Variants in TAFA1 observed in about 807,000 individuals in gnomAD.
TAFA1 encodes TAFA chemokine like family member 1, also known as chemokine-like protein TAFA-1.
TAFA1 carries 4 observed loss-of-function variants against 18.5 expected under a neutral mutation model. The ratio of observed to expected loss-of-function variants is 0.22; its 90% CI spans 0.11 to 0.49. The LOEUF is 0.49. Ranked by LOEUF, TAFA1 falls within the 20% of genes least tolerant of loss-of-function variation. The probability of loss-of-function intolerance (pLI) is 0.98; values close to 1 mark genes in which losing one functional copy is unlikely to be tolerated. For missense variants in TAFA1, 147 were observed against 169.0 expected, an observed-to-expected ratio of 0.87 and a Z score of 0.72; for synonymous variants, 56 against 55.2, an observed-to-expected ratio of 1.01 and a Z score of -0.06.
chr3:68,376,913 T>G (rs1036899053), intron 2 of TAFA1, among the ~76,000 whole-genome samples: 5 of 152,056 alleles, frequency 3.3e-5, no homozygotes, highest in Admixed American at 3.3e-4. Context: ...TCTCATGAGG[T>G]CTGATGGTTC....
intron 3 of TAFA1, among the ~76,000 whole-genome samples, chr3:68,452,338 C>T (rs1044091457): frequency 6.6e-6 from 1 of 151,910 alleles, no homozygotes; most frequent in South Asian, 2.1e-4. Context: ...GCCTGACCAA[C>T]ATGGTGAAAC....
At chr3:68,145,537 G>T (rs1017814892) in intron 2 of TAFA1, 4 of 1,238,334 alleles carry the variant, frequency 3.2e-6, no homozygotes, top group East Asian at 2.3e-5. Flanking sequence ...CCTTTAACAA[G>T]TTTATTCCCT....
chr3:68,111,780 A>AAGAG (rs71112608), intron 2 of TAFA1, among the ~76,000 whole-genome samples: 61 of 145,936 alleles, frequency 4.2e-4, no homozygotes, highest in African/African-American at 1.5e-3. Flanking sequence ...ACACATGAGA[A>AAGAG]AGAGAGAGAG....
At chr3:68,206,405 A>G (rs1416673969) in intron 2 of TAFA1, among the ~76,000 whole-genome samples, 2 of 152,030 alleles carry the variant, frequency 1.3e-5, no homozygotes, top group East Asian at 3.9e-4. Context: ...ATAAAATACC[A>G]TAAAATATTG....
In TAFA1 at chr3:68,457,007, A is replaced by G. The variant is rs989452953; in HGVS notation, c.259+39587A>G. ...CTGCGCTAAGCATGATGAAAAATTCAGAAGAACCATAAGAGATCACTTTTT... is the reference window on the plus strand; with the variant it reads ...CTGCGCTAAGCATGATGAAAAATTCGGAAGAACCATAAGAGATCACTTTTT... On this transcript the variant is annotated intron_variant, in intron 3 of 4. Transcript: ENST00000478136. Among the ~76,000 whole-genome samples, 6 of 152,234 alleles carry G rather than the reference A, an allele frequency of 3.9e-5. No individual in the cohort carries two copies. The East Asian group carries it at 9.6e-4, about 24-fold the overall frequency.
intron 3 of TAFA1, among the ~76,000 whole-genome samples, chr3:68,467,944 A>C (rs2071921552): frequency 6.6e-6 from 1 of 152,186 alleles, no homozygotes; most frequent in Non-Finnish European, 1.5e-5. Context: ...AAACTAGATA[A>C]AGTTGTGAAC....
intron 3 of TAFA1, among the ~76,000 whole-genome samples, chr3:68,417,966 AG>A (rs1341880603): frequency 6.6e-6 from 1 of 152,074 alleles, no homozygotes; most frequent in Non-Finnish European, 1.5e-5. Context: ...AAGAACAGCA[AG>A]GGGGAAGTCT....
intron 2 of TAFA1, among the ~76,000 whole-genome samples, chr3:68,342,698 C>T (rs1559625580): frequency 1.3e-5 from 2 of 152,068 alleles, no homozygotes. Context: ...GAATAAAAGC[C>T]TCAACTTTAT....
chr3:68,337,957 T>G (rs1275491525), intron 2 of TAFA1, among the ~76,000 whole-genome samples: 2 of 152,204 alleles, frequency 1.3e-5, no homozygotes, highest in African/African-American at 2.4e-5. Flanking sequence ...ATGGTTGAAT[T>G]TTCTGATCAC....
intron 2 of TAFA1, among the ~76,000 whole-genome samples, chr3:68,414,479 T>C (rs1431002529): frequency 6.6e-6 from 1 of 152,150 alleles, no homozygotes; most frequent in Non-Finnish European, 1.5e-5. Flanking sequence ...AGCCTGAGTT[T>C]TGGGATCTAG....
chr3:68,370,515 T>C lies in TAFA1; in HGVS notation c.119-46765T>C, dbSNP rs1179714290. ...ATATATATATATATATATATATATA[T>C]ACCCACATATGTATTTTGGAGCCTG... On this transcript the variant is annotated intron_variant, in intron 2 of 4. Coordinates refer to ENST00000478136, the MANE Select transcript of TAFA1 (RefSeq NM_213609.4). Among the ~76,000 whole-genome samples the C allele has an allele frequency of 1.3e-3, 137 of 104,094 alleles. 2 individuals carry two copies. Among genetic ancestry groups the C allele is most frequent in the African/African-American group, 4.1e-3 (111 of 26,764 alleles). 68.3% of individuals were successfully genotyped at this position (104,094 alleles called of 152,430 possible). A position where few individuals can be genotyped will look rare whatever the true frequency, so the allele number is the denominator to read the frequency against.
intron 2 of TAFA1, among the ~76,000 whole-genome samples, chr3:68,092,762 C>T (rs992022533): frequency 1.3e-5 from 2 of 152,074 alleles, no homozygotes; most frequent in Non-Finnish European, 1.5e-5. Context: ...GAATAGCAAT[C>T]GCACTCCCCA....
At chr3:68,441,516 G>A (rs2071379818) in intron 3 of TAFA1, among the ~76,000 whole-genome samples, 1 of 152,146 alleles carries the variant, frequency 6.6e-6, no homozygotes, top group Non-Finnish European at 1.5e-5. Flanking sequence ...AACTCATCAT[G>A]CAACCTGAAC....
intron 2 of TAFA1, among the ~76,000 whole-genome samples, chr3:68,262,653 G>C (rs2067458643): frequency 6.6e-6 from 1 of 151,930 alleles, no homozygotes; most frequent in Non-Finnish European, 1.5e-5. Context: ...TGGTATATAT[G>C]TACCACATTT....
Position 68,302,545 on chromosome 3 carries a change from CT to C in TAFA1, c.119-114724del, listed in dbSNP as rs995018826. On this transcript the variant is annotated intron_variant, in intron 2 of 4. Coordinates refer to ENST00000478136, the MANE Select transcript of TAFA1 (RefSeq NM_213609.4). ...CCCTTTTCTTTTCTTGTTAATCTTT[CT>C]TTTTTTTTTTAATTTTGAATCTTTG... 2.5e-3 allele frequency among the ~76,000 whole-genome samples: 367 copies of C among 147,358 alleles called. 1 individual carries two copies. Among genetic ancestry groups the C allele is most frequent in the African/African-American group, 6.8e-3 (276 of 40,418 alleles).
At chr3:68,231,784 C>A (rs2066875284) in intron 2 of TAFA1, among the ~76,000 whole-genome samples, 1 of 152,172 alleles carries the variant, frequency 6.6e-6, no homozygotes, top group African/African-American at 2.4e-5. Context: ...CAAGTCCACA[C>A]TCAGCTTTAG....
intron 2 of TAFA1, among the ~76,000 whole-genome samples, chr3:68,079,818 G>A (rs1317682971): frequency 1.3e-5 from 2 of 152,218 alleles, no homozygotes; most frequent in Non-Finnish European, 2.9e-5. Flanking sequence ...CTCTGTAGAT[G>A]TCTATTAGGT....
chr3:68,189,885 T>C (rs1349655573), intron 2 of TAFA1, among the ~76,000 whole-genome samples: 1 of 151,904 alleles, frequency 6.6e-6, no homozygotes, highest in Non-Finnish European at 1.5e-5. Flanking sequence ...ACCATTGATA[T>C]TATTAGTCAT....
chr3:68,120,165 TTCTTTCTC>T (rs1332304342), intron 2 of TAFA1, among the ~76,000 whole-genome samples: 1 of 138,232 alleles, frequency 7.2e-6, no homozygotes, highest in African/African-American at 3.3e-5. Flanking sequence ...TTCTTTCTCT[TTCTTTCTC>T]TTTCTTTCTT....
Sources: allele counts gnomAD v4.1 joint callset (sites outside exome capture counted in the v4.1 genomes callset), GRCh38; gene constraint gnomAD v4.1.1; transcripts MANE v1.5; gene names NCBI Gene and HGNC (gene_info 2026-07-23, HGNC 2026-07-21).